EEFSEC: variants seen among roughly 807,000 people sequenced by gnomAD.
EEFSEC encodes eukaryotic elongation factor, selenocysteine-tRNA specific.
In EEFSEC, 43 loss-of-function variants were observed where a neutral mutation model predicts 42.1. The ratio of observed to expected loss-of-function variants is 1.02; its 90% confidence interval spans 0.80 to 1.32. EEFSEC has a LOEUF of 1.32. Ranked by LOEUF, EEFSEC falls within the 40% of genes most tolerant of loss-of-function variation. The pLI, the probability that EEFSEC is intolerant of heterozygous loss-of-function variation, is 0.00. For missense variants in EEFSEC, 745 were observed against 803.6 expected (o/e 0.93, Z 0.88); for synonymous variants, 354 against 339.1 (o/e 1.04, Z -0.48).
intron 6 of EEFSEC, among the ~76,000 whole-genome samples, chr3:128,361,017 G>A (rs1482392665): frequency 6.6e-6 from 1 of 152,066 alleles, no homozygotes; most frequent in Non-Finnish European, 1.5e-5. Flanking sequence ...GGGAGAGAGA[G>A]TGCATTGCTA....
intron 6 of EEFSEC, among the ~76,000 whole-genome samples, chr3:128,405,929 C>A (rs758818726): frequency 1.4e-4 from 22 of 152,226 alleles, no homozygotes; most frequent in Admixed American, 1.2e-3. Flanking sequence ...GCTGCCTTCA[C>A]CCCCACCTGC....
chr3:128,235,309 TC>T (rs1179253647), intron 1 of EEFSEC, among the ~76,000 whole-genome samples: 4 of 151,474 alleles, frequency 2.6e-5, no homozygotes, highest in African/African-American at 7.3e-5. Flanking sequence ...GCTCAAGCAA[TC>T]CCCCCACCTC....
intron 2 of EEFSEC, among the ~76,000 whole-genome samples, chr3:128,257,874 G>A (rs2066257990): frequency 6.6e-6 from 1 of 152,192 alleles, no homozygotes; most frequent in Admixed American, 6.5e-5. Flanking sequence ...TAGGAGCCAG[G>A]AGCAGGTTTT....
chr3:128,394,020 G>A (rs532063674), intron 6 of EEFSEC, among the ~76,000 whole-genome samples: 42 of 152,182 alleles, frequency 2.8e-4, no homozygotes, highest in East Asian at 1.5e-3. Flanking sequence ...TGGCGGGGGC[G>A]GGGGGTGCGG....
chr3:128,379,838 C>T (rs2067753442), intron 6 of EEFSEC, among the ~76,000 whole-genome samples: 1 of 152,266 alleles, frequency 6.6e-6, no homozygotes, highest in South Asian at 2.1e-4. Flanking sequence ...GTCCCGTCAG[C>T]TGTCCCCACA....
intron 1 of EEFSEC, among the ~76,000 whole-genome samples, chr3:128,234,434 C>T (rs141798578): frequency 7.9e-5 from 12 of 152,264 alleles, no homozygotes; most frequent in Non-Finnish European, 1.3e-4. Context: ...ATAGGACTCC[C>T]GTATGCCCAT....
intron 1 of EEFSEC, among the ~76,000 whole-genome samples, chr3:128,154,691 C>T (rs1474708149): frequency 1.3e-5 from 2 of 151,988 alleles, no homozygotes; most frequent in Non-Finnish European, 2.9e-5. Context: ...CTTCATGACC[C>T]GCCCGCCCTG....
intron 4 of EEFSEC, among the ~76,000 whole-genome samples, chr3:128,306,316 T>C (rs995447072): frequency 1.3e-5 from 2 of 152,242 alleles, no homozygotes; most frequent in Non-Finnish European, 2.9e-5. Flanking sequence ...AATTGTTTGT[T>C]TTTGCATTGC....
the EEFSEC span, among the ~76,000 whole-genome samples, chr3:128,416,476 G>C: frequency 6.6e-6 from 1 of 152,184 alleles, no homozygotes; most frequent in Non-Finnish European, 1.5e-5. Context: ...CCCCTGCCTG[G>C]AGCACCCCCA....
At chr3:128,411,907 T>C (rs2068176693), downstream of EEFSEC, among the ~76,000 whole-genome samples, 2 of 152,242 alleles carry the variant, frequency 1.3e-5, no homozygotes, top group African/African-American at 4.8e-5. Flanking sequence ...ACCAGGCATC[T>C]CCAAGCCTGT....
At chr3:128,310,280 C>T (rs1240127626) in intron 4 of EEFSEC, among the ~76,000 whole-genome samples, 1 of 152,210 alleles carries the variant, frequency 6.6e-6, no homozygotes, top group Non-Finnish European at 1.5e-5. Flanking sequence ...CACAGGATTT[C>T]CTTTTTCTCT....
intron 1 of EEFSEC, among the ~76,000 whole-genome samples, chr3:128,225,018 C>T (rs910399576): frequency 9.9e-5 from 15 of 152,222 alleles, no homozygotes; most frequent in African/African-American, 2.7e-4. Context: ...ATGGTTACCC[C>T]GAGTAGGGCG....
intron 6 of EEFSEC, among the ~76,000 whole-genome samples, chr3:128,370,832 G>A (rs1025939769): frequency 6.6e-6 from 1 of 152,202 alleles, no homozygotes; most frequent in Non-Finnish European, 1.5e-5. Context: ...TGGAGTGACT[G>A]CTCCCTTCCA....
chr3:128,352,429 T>C (rs1576663347), intron 5 of EEFSEC, among the ~76,000 whole-genome samples: 1 of 152,226 alleles, frequency 6.6e-6, no homozygotes, highest in Non-Finnish European at 1.5e-5. Context: ...CTTCCAGGAC[T>C]GCCTTCCTCC....
At chr3:128,372,852 G>A (rs952985795) in intron 6 of EEFSEC, among the ~76,000 whole-genome samples, 6 of 152,212 alleles carry the variant, frequency 3.9e-5, no homozygotes, top group South Asian at 2.1e-4. Context: ...CTGACTATAC[G>A]TAAACAAGGT....
intron 1 of EEFSEC, among the ~76,000 whole-genome samples, chr3:128,220,263 G>A (rs2065849107): frequency 1.3e-5 from 2 of 152,172 alleles, no homozygotes; most frequent in Non-Finnish European, 2.9e-5. Context: ...AAATATCTTT[G>A]GAGTTAAATG....
At chr3:128,404,279 T>C (rs564020005) in intron 6 of EEFSEC, among the ~76,000 whole-genome samples, 2 of 152,340 alleles carry the variant, frequency 1.3e-5, no homozygotes, top group East Asian at 1.9e-4. Context: ...CAGTCCATAA[T>C]AGAGCAGAGG....
intron 2 of EEFSEC, among the ~76,000 whole-genome samples, chr3:128,252,597 T>G (rs1016286148): frequency 6.6e-6 from 1 of 152,214 alleles, no homozygotes; most frequent in African/African-American, 2.4e-5. Flanking sequence ...TTGAGAAAAG[T>G]GAGGCTTAAT....
chr3:128,412,725 CG>C (rs1323054167), downstream of EEFSEC, among the ~76,000 whole-genome samples: 1 of 152,204 alleles, frequency 6.6e-6, no homozygotes, highest in Non-Finnish European at 1.5e-5. Context: ...TGACTGATAA[CG>C]GGGTTGAGCC....
Sources: gnomAD v4.1 joint callset for allele counts (sites outside exome capture counted in the v4.1 genomes callset) on GRCh38, gnomAD v4.1.1 for gene constraint, MANE v1.5 for transcripts, NCBI Gene and HGNC (gene_info 2026-07-23, HGNC 2026-07-21) for gene names.